The following PRKG1 variants were observed in gnomAD, a reference collection of about 807,000 sequenced individuals.
PRKG1 encodes cGMP-dependent protein kinase 1.
A neutral mutation model predicts 88.1 loss-of-function variants in PRKG1; 35 were observed. The ratio of observed to expected loss-of-function variants is 0.40; its 90% CI spans 0.30 to 0.53. PRKG1 has a LOEUF of 0.53. PRKG1 is among the 20% of genes least tolerant of loss of function. The pLI is 0.59. For missense variants in PRKG1, 540 were observed against 839.8 expected (o/e 0.64, Z 4.41); for synonymous variants, 303 against 292.5 (o/e 1.04, Z -0.37).
chr10:52,244,372 T>G (rs957176980), intron 9 of PRKG1, among the ~76,000 whole-genome samples: 3 of 152,014 alleles, frequency 2.0e-5, no homozygotes, highest in African/African-American at 7.2e-5. Flanking sequence ...TCAATAAGAC[T>G]CTTTGTATAG....
intron 9 of PRKG1, among the ~76,000 whole-genome samples, chr10:52,172,563 G>T (rs1838731591): frequency 6.6e-6 from 1 of 152,108 alleles, no homozygotes; most frequent in African/African-American, 2.4e-5. Context: ...AAGCAGAAAA[G>T]AATAATACCT....
intron 2 of PRKG1, among the ~76,000 whole-genome samples, chr10:51,294,916 A>T (rs1381427244): frequency 2.6e-5 from 4 of 152,042 alleles, no homozygotes; most frequent in South Asian, 4.1e-4. Context: ...CTTCAAAAAA[A>T]TTTGAAACAT....
chr10:51,636,636 C>T (rs1169640617), intron 3 of PRKG1, among the ~76,000 whole-genome samples: 3 of 152,120 alleles, frequency 2.0e-5, no homozygotes, highest in African/African-American at 7.2e-5. Context: ...GCTTTGGGCA[C>T]TTGGATAAGA....
At chr10:51,352,070 T>A (rs1408307644) in intron 2 of PRKG1, among the ~76,000 whole-genome samples, 1 of 152,154 alleles carries the variant, frequency 6.6e-6, no homozygotes, top group East Asian at 1.9e-4. Flanking sequence ...GTGCTATTAT[T>A]TCTGAGCTCT....
intron 2 of PRKG1, among the ~76,000 whole-genome samples, chr10:51,426,697 TAC>T (rs139115798): frequency 4.0e-5 from 6 of 151,142 alleles, no homozygotes; most frequent in Non-Finnish European, 3.0e-5. Flanking sequence ...TGTGTGTCTA[TAC>T]ACACACACAC....
intron 2 of PRKG1, among the ~76,000 whole-genome samples, chr10:51,350,999 A>G (rs1842231751): frequency 1.3e-5 from 2 of 151,996 alleles, no homozygotes; most frequent in South Asian, 4.2e-4. Context: ...CCTACTTATG[A>G]GTGAGAACAT....
intron 7 of PRKG1, among the ~76,000 whole-genome samples, chr10:52,098,928 C>G (rs1847235510): frequency 6.6e-6 from 1 of 152,036 alleles, no homozygotes; most frequent in South Asian, 2.1e-4. Flanking sequence ...TAAAAGAATC[C>G]AAATGTAAAG....
intron 3 of PRKG1, among the ~76,000 whole-genome samples, chr10:51,496,476 A>G (rs1344115103): frequency 6.6e-6 from 1 of 152,166 alleles, no homozygotes; most frequent in Non-Finnish European, 1.5e-5. Flanking sequence ...TTTCAAGTAG[A>G]GAATTTTAGA....
At chr10:51,296,219 AT>A (rs1840717013) in intron 2 of PRKG1, among the ~76,000 whole-genome samples, 1 of 151,834 alleles carries the variant, frequency 6.6e-6, no homozygotes, top group Admixed American at 6.6e-5. Context: ...CTCCTATTTT[AT>A]TTTTTTGGAA....
At chr10:51,749,710 G>T (rs1409693213) in intron 3 of PRKG1, among the ~76,000 whole-genome samples, 1 of 152,086 alleles carries the variant, frequency 6.6e-6, no homozygotes, top group East Asian at 1.9e-4. Context: ...AATAACATCA[G>T]TTTTGACTTC....
At chr10:51,254,473 C>T (rs1267525353) in intron 2 of PRKG1, among the ~76,000 whole-genome samples, 1 of 151,854 alleles carries the variant, frequency 6.6e-6, no homozygotes, top group Non-Finnish European at 1.5e-5. Flanking sequence ...AACCTTTTCA[C>T]CAGGCAATTC....
Position 51,667,375 on chromosome 10 carries a change from G to T in PRKG1, c.593-137210G>T, listed in dbSNP as rs185364145. Among the ~76,000 whole-genome samples the T allele has an allele frequency of 6.6e-5, 10 of 152,168 alleles. No individual in the cohort carries two copies. In the East Asian group the frequency reaches 1.7e-3, roughly 26 times the overall value. On this transcript the variant is annotated intron_variant, in intron 3 of 17. Transcript: ENST00000373980. ...ACATAAAAACACTATTTTTAGATAC[G>T]TACAGCCTTCCTTCTGTTATTTAGA...
chr10:52,035,198 A>G (rs1217858851), intron 5 of PRKG1, among the ~76,000 whole-genome samples: 1 of 152,108 alleles, frequency 6.6e-6, no homozygotes, highest in East Asian at 1.9e-4. Context: ...AAAGGCCTCT[A>G]CCTATCCAGT....
At chr10:51,286,223 G>A (rs555409560) in intron 2 of PRKG1, among the ~76,000 whole-genome samples, 3 of 152,170 alleles carry the variant, frequency 2.0e-5, no homozygotes, top group African/African-American at 4.8e-5. Context: ...TGCCTGCCTC[G>A]GCCTCCCAAA....
chr10:51,740,602 C>T (rs1475348299), intron 3 of PRKG1, among the ~76,000 whole-genome samples: 1 of 152,118 alleles, frequency 6.6e-6, no homozygotes, highest in Non-Finnish European at 1.5e-5. Context: ...TTCTGTAAAA[C>T]TCTACCCTAT....
At chr10:51,620,771 G>A (rs1164025007) in intron 3 of PRKG1, among the ~76,000 whole-genome samples, 1 of 151,798 alleles carries the variant, frequency 6.6e-6, no homozygotes, top group African/African-American at 2.4e-5. Context: ...TTTTACCTAA[G>A]AGAAAAGTGA....
chr10:52,188,233 TATATATAC>T (rs1217607983), intron 9 of PRKG1, among the ~76,000 whole-genome samples: 14 of 6,498 alleles, frequency 2.2e-3, no homozygotes, highest in Non-Finnish European at 4.2e-3. Context: ...TACATATGTA[TATATATAC>T]ATATATATGT....
At position 51,478,928 on chromosome 10, in the gene PRKG1, C is replaced by G. The variant is rs77204530; in HGVS notation, c.592+11092C>G. Among the ~76,000 whole-genome samples the G allele has an allele frequency of 9.2e-3, 1,399 of 152,124 alleles. 19 individuals carry two copies. Among genetic ancestry groups the G allele is most frequent in the African/African-American group, 0.032 (1,332 of 41,528 alleles). ...GAGATCTTAGACATAAAAAAATCGA[C>G]TCCCTTTGTCTATTTGTTTCATGAC... On this transcript the variant is annotated intron_variant, in intron 3 of 17. Transcript: ENST00000373980.
intron 3 of PRKG1, among the ~76,000 whole-genome samples, chr10:51,539,687 G>A (rs1842251792): frequency 6.6e-6 from 1 of 152,132 alleles, no homozygotes; most frequent in Non-Finnish European, 1.5e-5. Context: ...TATTGATGGT[G>A]AGAAGAAAGC....
Sources: gnomAD v4.1 joint callset for allele counts (sites outside exome capture counted in the v4.1 genomes callset) on GRCh38, gnomAD v4.1.1 for gene constraint, MANE v1.5 for transcripts, NCBI Gene and HGNC (gene_info 2026-07-23, HGNC 2026-07-21) for gene names.